Variants in CHCHD3 observed in about 807,000 individuals in gnomAD.
CHCHD3 encodes the protein coiled-coil-helix-coiled-coil-helix domain containing 3.
A neutral mutation model predicts 38.2 loss-of-function variants in CHCHD3; 20 were observed. The observed-to-expected ratio is 0.52, with a 90% CI of 0.37 to 0.76. The LOEUF (loss-of-function observed/expected upper bound fraction) is 0.76. CHCHD3 is among the 30% of genes least tolerant of loss of function. The pLI, the probability that CHCHD3 is intolerant of heterozygous loss-of-function variation, is 0.00. For missense variants in CHCHD3, 245 were observed against 279.2 expected (o/e 0.88, Z 0.87); for synonymous variants, 82 against 100.0 (o/e 0.82, Z 1.07).
At chr7:132,796,383 C>T in intron 7 of CHCHD3, 59 bp downstream of exon 7, 1 of 1,601,460 alleles carries the variant, frequency 6.2e-7, no homozygotes, top group Non-Finnish European at 8.5e-7. Context: ...TACCACTGCC[C>T]CAGGTCATCC....
At chr7:132,879,977 AT>A (rs1809012407) in intron 5 of CHCHD3, among the ~76,000 whole-genome samples, 1 of 152,064 alleles carries the variant, frequency 6.6e-6, no homozygotes, top group South Asian at 2.1e-4. Context: ...TTTTGGTCAA[AT>A]TTTCCCAGGA....
chr7:132,947,681 T>A (rs902377519), intron 4 of CHCHD3, among the ~76,000 whole-genome samples: 1 of 152,022 alleles, frequency 6.6e-6, no homozygotes, highest in Non-Finnish European at 1.5e-5. Flanking sequence ...ATATAACATT[T>A]GATAATGTTA....
chr7:133,046,707 C>T (rs532906643), intron 2 of CHCHD3, among the ~76,000 whole-genome samples: 7 of 152,190 alleles, frequency 4.6e-5, no homozygotes, highest in African/African-American at 1.7e-4. Flanking sequence ...GGACTACAGG[C>T]GCCCGCCACC....
At chr7:133,031,787 T>C (rs760297200) in intron 2 of CHCHD3, among the ~76,000 whole-genome samples, 10 of 152,174 alleles carry the variant, frequency 6.6e-5, no homozygotes, top group Non-Finnish European at 1.5e-4. Context: ...ACCTGCATAA[T>C]ATAAGCAGCA....
chr7:133,066,390 G>A (rs1243639247), intron 2 of CHCHD3, among the ~76,000 whole-genome samples: 1 of 152,106 alleles, frequency 6.6e-6, no homozygotes. Flanking sequence ...GAGTAGCTGG[G>A]ATTACAGGCA....
intron 4 of CHCHD3, among the ~76,000 whole-genome samples, chr7:132,942,223 A>C (rs1322620431): frequency 1.3e-5 from 2 of 152,180 alleles, no homozygotes; most frequent in Non-Finnish European, 2.9e-5. Flanking sequence ...GGAAAGGGGA[A>C]TACTGTTACA....
At chr7:133,047,935 A>T (rs1814041696) in intron 2 of CHCHD3, among the ~76,000 whole-genome samples, 1 of 152,156 alleles carries the variant, frequency 6.6e-6, no homozygotes, top group Non-Finnish European at 1.5e-5. Context: ...CTAAAAATAC[A>T]AAATTAGCCA....
At position 133,081,917 on chromosome 7, in the gene CHCHD3, G is replaced by A; in HGVS notation, c.21C>T (p.Thr7=). 1 of 1,556,316 alleles carries A rather than the reference G, an allele frequency of 6.4e-7. No homozygotes were observed. The highest frequency in any genetic ancestry group is 8.7e-7 in the Non-Finnish European group (1 of 1,150,030). The part of the protein sequence containing the change: MGGTTS[T]RRVTFEADEN... ...CGTCCGCCTCGAAGGTGACCCGGCG[G>A]GTGCTGGTGGTCCCACCCATGATTC... is the stretch of plus-strand genomic sequence containing the variant. Residue 7 remains threonine, a synonymous_variant, in exon 1 of 8, where the codon ACC becomes ACT. Transcript: ENST00000262570.
At chr7:132,827,007 T>A (rs939314345) in intron 6 of CHCHD3, among the ~76,000 whole-genome samples, 24 of 152,120 alleles carry the variant, frequency 1.6e-4, no homozygotes, top group Admixed American at 1.6e-3. Context: ...TCTACAGTAA[T>A]AAAATACTCT....
intron 3 of CHCHD3, among the ~76,000 whole-genome samples, chr7:133,014,138 G>A (rs925363709): frequency 6.6e-6 from 1 of 152,020 alleles, no homozygotes; most frequent in Non-Finnish European, 1.5e-5. Context: ...ATTTTTATGA[G>A]ATTTTTGTTT....
intron 2 of CHCHD3, among the ~76,000 whole-genome samples, chr7:133,057,487 A>G (rs1250287272): frequency 1.3e-5 from 2 of 152,132 alleles, no homozygotes; most frequent in Admixed American, 1.3e-4. Flanking sequence ...CCTTGAGCCC[A>G]GCAGTTCAAG....
chr7:132,922,860 C>G (rs1810294698), intron 4 of CHCHD3, among the ~76,000 whole-genome samples: 1 of 152,194 alleles, frequency 6.6e-6, no homozygotes, highest in South Asian at 2.1e-4. Context: ...TTCTAAATCA[C>G]AACCCTTGGC....
chr7:132,881,499 T>A (rs1809056161), intron 5 of CHCHD3, among the ~76,000 whole-genome samples: 1 of 152,160 alleles, frequency 6.6e-6, no homozygotes, highest in South Asian at 2.1e-4. Flanking sequence ...GATGCGCAGA[T>A]GGTAAGGTTA....
At chr7:132,983,168 A>T (rs905064059) in intron 3 of CHCHD3, among the ~76,000 whole-genome samples, 1 of 152,052 alleles carries the variant, frequency 6.6e-6, no homozygotes, top group Non-Finnish European at 1.5e-5. Context: ...TTAAAAATAC[A>T]AAAAATTAGC....
intron 4 of CHCHD3, among the ~76,000 whole-genome samples, chr7:132,910,256 T>C (rs558435627): frequency 6.6e-6 from 1 of 152,232 alleles, no homozygotes; most frequent in East Asian, 1.9e-4. Flanking sequence ...CAGGGGGTAT[T>C]TCTTTTTATT....
chr7:132,857,831 T>C (rs2117126729), intron 5 of CHCHD3, among the ~76,000 whole-genome samples: 1 of 152,308 alleles, frequency 6.6e-6, no homozygotes, highest in East Asian at 1.9e-4. Flanking sequence ...AGAAATTAGA[T>C]ACCCCTGTGT....
rs1038610964 is a variant in CHCHD3, at chr7:133,021,021, G to A, written c.251+3525C>T. On this transcript the variant is annotated intron_variant, in intron 3 of 7. Coordinates refer to ENST00000262570, the MANE Select transcript of CHCHD3 (RefSeq NM_017812.4). The stretch of plus-strand genomic sequence containing the variant: ...CACGTGCATTACAGAATGTTAAACA[G>A]CATCCCTGGCCTCCATCCACTAGAT... Among the ~76,000 whole-genome samples, 7 of 152,172 alleles carry A rather than the reference G, an allele frequency of 4.6e-5. No homozygotes were observed. The South Asian group carries it at 1.5e-3, about 32-fold the overall frequency.
chr7:133,029,076 T>G (rs568771367), intron 2 of CHCHD3, among the ~76,000 whole-genome samples: 4 of 152,152 alleles, frequency 2.6e-5, no homozygotes, highest in African/African-American at 9.6e-5. Flanking sequence ...AACAAATTTC[T>G]TTTCCTTATA....
At chr7:133,050,300 G>C (rs1437221172) in intron 2 of CHCHD3, among the ~76,000 whole-genome samples, 1 of 124,202 alleles carries the variant, frequency 8.1e-6, no homozygotes, top group East Asian at 2.7e-4. Context: ...CCAAGATCTT[G>C]CCACTGTACC....
Sources: allele counts gnomAD v4.1 joint callset (sites outside exome capture counted in the v4.1 genomes callset), GRCh38; gene constraint gnomAD v4.1.1; transcripts MANE v1.5; gene names NCBI Gene and HGNC (gene_info 2026-07-23, HGNC 2026-07-21).